SGSM1: variants seen among roughly 807,000 people sequenced by gnomAD.
The protein encoded by SGSM1 is small G protein signaling modulator 1.
Under a neutral mutation model 133.8 loss-of-function variants are expected in SGSM1, and 73 were observed. The observed-to-expected ratio is 0.55, with a 90% CI of 0.45 to 0.66. The LOEUF is 0.66. Ranked by LOEUF, SGSM1 falls within the 30% of genes least tolerant of loss-of-function variation. The pLI is 0.00. For missense variants in SGSM1, 1,213 were observed against 1,448.1 expected (o/e 0.84, Z 2.64); for synonymous variants, 563 against 573.0 (o/e 0.98, Z 0.25).
chr22:24,815,929 A>C (rs1334148930), intron 2 of SGSM1, among the ~76,000 whole-genome samples: 1 of 152,148 alleles, frequency 6.6e-6, no homozygotes, highest in Admixed American at 6.5e-5. Flanking sequence ...AGATAAGACA[A>C]ATGTAACTTT....
intron 18 of SGSM1, 150 bp downstream of exon 18, chr22:24,895,441 TG>T (rs1413035335): frequency 2.5e-6 from 2 of 801,058 alleles, no homozygotes; most frequent in African/African-American, 1.7e-5. Flanking sequence ...TTTTGTTTTT[TG>T]TTTAGTAATG....
chr22:24,891,810 G>A (rs972483705), intron 16 of SGSM1, among the ~76,000 whole-genome samples: 6 of 152,110 alleles, frequency 3.9e-5, no homozygotes, highest in East Asian at 1.9e-4. Context: ...CTGGTTGTTC[G>A]TAAATTCTCA....
intron 16 of SGSM1, among the ~76,000 whole-genome samples, chr22:24,887,107 T>TTGTGTGTGTG (rs60431385): frequency 0.037 from 5,340 of 145,178 alleles, 123 homozygotes; most frequent in East Asian, 0.044. Context: ...TTGTACTTAT[T>TTGTGTGTGTG]TGTGTGTGTG....
chr22:24,813,021 A>G (rs1454910306), intron 2 of SGSM1, among the ~76,000 whole-genome samples: 1 of 152,206 alleles, frequency 6.6e-6, no homozygotes, highest in East Asian at 1.9e-4. Context: ...AGAGATGGGA[A>G]AGGCTTGCCA....
intron 5 of SGSM1, among the ~76,000 whole-genome samples, chr22:24,854,395 C>T (rs1930652650): frequency 1.3e-5 from 2 of 152,148 alleles, no homozygotes; most frequent in African/African-American, 4.8e-5. Context: ...GTCAGCCAGG[C>T]CTCCACAACC....
chr22:24,854,311 T>C (rs1270703543), intron 5 of SGSM1, among the ~76,000 whole-genome samples: 1 of 152,126 alleles, frequency 6.6e-6, no homozygotes, highest in African/African-American at 2.4e-5. Context: ...GCCCCAGTAA[T>C]AGAAGGGCAG....
chr22:24,907,193 G>C lies in SGSM1; in HGVS notation c.2818+2006G>C, dbSNP rs774607916. 4.0e-5 allele frequency among the ~76,000 whole-genome samples: 6 copies of C among 151,806 alleles called. No individual in the cohort carries two copies. In the East Asian group the frequency reaches 9.6e-4, roughly 24 times the overall value. The stretch of plus-strand genomic sequence containing the variant: ...GAGAATTGCTTGAACCTGGGAGGTG[G>C]AGGTTGCAGTGAGCTGAGATTGCGC... On this transcript the variant is annotated intron_variant, in intron 21 of 24. Coordinates refer to ENST00000400358, the MANE Select transcript of SGSM1 (RefSeq NM_001098497.3).
Position 24,855,060 on chromosome 22 carries a change from T to C in SGSM1, c.520T>C (p.Leu174=), listed in dbSNP as rs201064977. ...PVDGPILASL[L]VGPCALEYTK... is the part of the protein sequence containing the mutation. ...GGACGGCCCCATCCTTGCATCTTTG[T>C]TGGGTAAGTTGTCCTGTGTGCTGAG... Residue 174 remains leucine (L), a synonymous_variant, in exon 6 of 25, where the codon TTG becomes CTG. Transcript: ENST00000400358. The C allele has an allele frequency of 5.4e-3, 8,735 of 1,612,814 alleles. 34 individuals are homozygous for C. The highest frequency in any genetic ancestry group is 6.7e-3 in the Non-Finnish European group (7,851 of 1,179,430).
At chr22:24,845,942 T>TTTCTTTCC (rs1299364749) in intron 3 of SGSM1, among the ~76,000 whole-genome samples, 3 of 16,202 alleles carry the variant, frequency 1.9e-4, no homozygotes, top group African/African-American at 5.9e-4. Flanking sequence ...TTTCTTTTCT[T>TTTCTTTCC]TTCTTTCTTT....
chr22:24,839,813 G>GA (rs1381289294), intron 2 of SGSM1, among the ~76,000 whole-genome samples: 1 of 151,744 alleles, frequency 6.6e-6, no homozygotes, highest in Non-Finnish European at 1.5e-5. Context: ...TTTTTCTGTG[G>GA]CATCAGTTGT....
Position 24,806,441 on chromosome 22 carries a change from A to C in SGSM1, c.20A>C (p.Glu7Ala). MASAPA[E>A]AETRQRLLRT... ...GCGGCTCTCGTTTCTTGTCCCACAGAGGCGGAGACCCGACAGAGGCTGCTA... is the reference window on the plus strand; with the variant it reads ...GCGGCTCTCGTTTCTTGTCCCACAGCGGCGGAGACCCGACAGAGGCTGCTA... Residue 7 changes from glutamate to alanine, a missense_variant and splice_region_variant, in exon 2 of 25, where the codon GAG becomes GCG. By Grantham distance (107) the Glu-to-Ala change is moderately radical. Coordinates refer to ENST00000400358, the MANE Select transcript of SGSM1 (RefSeq NM_001098497.3). 2.0e-6 allele frequency: 3 copies of C among 1,523,318 alleles called. No individual in the cohort carries two copies. The highest frequency in any genetic ancestry group is 2.6e-6 in the Non-Finnish European group (3 of 1,135,130). 94.4% of individuals were successfully genotyped at this position (1,523,318 alleles called of 1,614,324 possible).
chr22:24,874,294 C>A (rs961299639), intron 12 of SGSM1: 10 of 969,894 alleles, frequency 1.0e-5, no homozygotes, highest in Non-Finnish European at 1.5e-5. Context: ...AATGTGGGAG[C>A]TGTGTGGAGC....
At chr22:24,811,373 A>AC (rs557163155) in intron 2 of SGSM1, among the ~76,000 whole-genome samples, 59 of 152,116 alleles carry the variant, frequency 3.9e-4, no homozygotes, top group African/African-American at 1.3e-3. Context: ...CTGTTCTTGA[A>AC]CAACTCATTC....
chr22:24,850,180 T>A, intron 4 of SGSM1, 100 bp from the exon 5 acceptor site: 1 of 1,272,946 alleles, frequency 7.9e-7, no homozygotes, highest in South Asian at 1.6e-5. Context: ...CTGCCATTCC[T>A]TCATTTTCCT....
chr22:24,878,335 C>T (rs927598816), intron 13 of SGSM1, among the ~76,000 whole-genome samples: 8 of 152,186 alleles, frequency 5.3e-5, no homozygotes, highest in African/African-American at 1.9e-4. Flanking sequence ...TGCTTACACA[C>T]TTGGAGTGAT....
chr22:24,922,566 C>T (rs1193578693), intron 24 of SGSM1, among the ~76,000 whole-genome samples: 1 of 150,910 alleles, frequency 6.6e-6, no homozygotes, highest in Non-Finnish European at 1.5e-5. Context: ...AGCTCTGCCT[C>T]CCAGGTTCAT....
intron 17 of SGSM1, among the ~76,000 whole-genome samples, chr22:24,894,133 GTGGCTCACGC>G (rs1166240044): frequency 6.6e-6 from 1 of 152,198 alleles, no homozygotes; most frequent in African/African-American, 2.4e-5. Flanking sequence ...ACTGAGGGTG[GTGGCTCACGC>G]CTGTAATCCC....
At position 24,898,016 on chromosome 22, in the gene SGSM1, C is replaced by A; in HGVS notation, c.2067C>A (p.Gly689=). The change falls in exon 19 of 25, where the codon GGC becomes GGA. Residue 689 remains glycine (G), a synonymous_variant. Transcript: ENST00000400358. Reference sequence around the variant, plus strand: ...AGGTGGAGCAGGTGGAGGCTGAAGGCAGATTGGAGGAGAAACAGCCCAAGA... The same window carrying A: ...AGGTGGAGCAGGTGGAGGCTGAAGGAAGATTGGAGGAGAAACAGCCCAAGA... ...VDEVEQVEAE[G]RLEEKQPKIP... is the part of the protein sequence containing the mutation. The A allele has an allele frequency of 6.2e-7, 1 of 1,611,986 alleles. No homozygotes were observed. The highest frequency in any genetic ancestry group is 8.5e-7 in the Non-Finnish European group (1 of 1,179,058).
intron 23 of SGSM1, among the ~76,000 whole-genome samples, chr22:24,919,564 G>A (rs1290666806): frequency 2.6e-5 from 4 of 152,152 alleles, no homozygotes; most frequent in African/African-American, 9.7e-5. Context: ...GCCACTTACA[G>A]AATGTCAGAG....
Sources: allele counts gnomAD v4.1 joint callset (sites outside exome capture counted in the v4.1 genomes callset), GRCh38; gene constraint gnomAD v4.1.1; transcripts MANE v1.5; gene names NCBI Gene and HGNC (gene_info 2026-07-23, HGNC 2026-07-21).